The following RNF2 variants were observed in gnomAD, a reference collection of about 807,000 sequenced individuals.
RNF2 encodes E3 ubiquitin-protein ligase RING2.
Under a neutral mutation model 37.2 loss-of-function variants are expected in RNF2, and 6 were observed. The observed-to-expected ratio is 0.16, with a 90% CI of 0.09 to 0.32. The LOEUF (loss-of-function observed/expected upper bound fraction) is 0.32, where lower values mean the gene tolerates loss of function less well. RNF2 is among the 10% of genes least tolerant of loss of function. The pLI, the probability that RNF2 is intolerant of heterozygous loss-of-function variation, is 1.00. For synonymous variants in RNF2, 133 were observed against 132.7 expected, an observed-to-expected ratio of 1.00 and a Z score of -0.02; for missense variants, 251 against 404.0, an observed-to-expected ratio of 0.62 and a Z score of 3.25.
chr1:185,064,678 GTTATC>G (rs1650746976), intron 1 of RNF2, among the ~76,000 whole-genome samples: 4 of 147,994 alleles, frequency 2.7e-5, no homozygotes, highest in African/African-American at 1.0e-4. Flanking sequence ...CATCTTTATT[GTTATC>G]TTAATAATAT....
intron 1 of RNF2, among the ~76,000 whole-genome samples, chr1:185,065,637 G>A (rs369091605): frequency 2.0e-5 from 3 of 152,100 alleles, no homozygotes; most frequent in Non-Finnish European, 4.4e-5. Flanking sequence ...TGAAGTCAGC[G>A]AGACCACTAA....
chr1:185,067,178 A>G (rs889262961), intron 1 of RNF2, among the ~76,000 whole-genome samples: 6 of 152,256 alleles, frequency 3.9e-5, no homozygotes, highest in African/African-American at 1.4e-4. Context: ...AGTAATTTAG[A>G]TGAGTATTCC....
intron 1 of RNF2, among the ~76,000 whole-genome samples, chr1:185,066,192 C>T (rs1023671596): frequency 3.3e-5 from 5 of 152,160 alleles, no homozygotes; most frequent in African/African-American, 1.2e-4. Context: ...GTGATCTCTT[C>T]GTCATTGCAC....
chr1:185,069,696 A>G (rs1201884624), intron 1 of RNF2, among the ~76,000 whole-genome samples: 2 of 152,172 alleles, frequency 1.3e-5, no homozygotes, highest in Non-Finnish European at 2.9e-5. Context: ...AAGATTGGGT[A>G]TGTGTTTGGA....
chr1:185,098,975 C>A (rs1308177499), intron 5 of RNF2, among the ~76,000 whole-genome samples: 1 of 151,124 alleles, frequency 6.6e-6, no homozygotes, highest in Non-Finnish European at 1.5e-5. Flanking sequence ...TGGTCTCGAT[C>A]TCTTGACCTC....
At chr1:185,082,345 C>CTTTTTTTTTTTTTGTTTTTTTTTT (rs1651444433) in intron 1 of RNF2, among the ~76,000 whole-genome samples, 1 of 72,000 alleles carries the variant, frequency 1.4e-5, no homozygotes, top group Non-Finnish European at 2.9e-5. Flanking sequence ...CTCTGCAGAA[C>CTTTTTTTTTTTTTGTTTTTTTTTT]TTTTTTTTTT....
At chr1:185,067,358 C>G (rs749354075) in intron 1 of RNF2, among the ~76,000 whole-genome samples, 107 of 152,304 alleles carry the variant, frequency 7.0e-4, no homozygotes, top group Non-Finnish European at 1.2e-3. Flanking sequence ...ATTGCTTACT[C>G]ACAATTTATT....
chr1:185,059,857 G>C (rs1215572906), intron 1 of RNF2, among the ~76,000 whole-genome samples: 1 of 152,200 alleles, frequency 6.6e-6, no homozygotes, highest in African/African-American at 2.4e-5. Flanking sequence ...TGTTAGAAGA[G>C]TGTAGAGGTA....
At chr1:185,098,840 C>T (rs940721741) in intron 5 of RNF2, among the ~76,000 whole-genome samples, 5 of 151,992 alleles carry the variant, frequency 3.3e-5, no homozygotes, top group African/African-American at 1.2e-4. Flanking sequence ...CAGCCTCCGC[C>T]TCCTGGGTTC....
At chr1:185,067,198 G>A (rs1203252881) in intron 1 of RNF2, among the ~76,000 whole-genome samples, 1 of 152,178 alleles carries the variant, frequency 6.6e-6, no homozygotes, top group Non-Finnish European at 1.5e-5. Context: ...CAGATGTTCA[G>A]TACAGTGACA....
intron 4 of RNF2, among the ~76,000 whole-genome samples, chr1:185,094,864 T>TA (rs1351687556): frequency 2.0e-5 from 3 of 152,188 alleles, no homozygotes; most frequent in Non-Finnish European, 4.4e-5. Flanking sequence ...TAGAAGGAGA[T>TA]AATAGTAAAG....
chr1:185,094,429 C>T (rs1208888858), intron 4 of RNF2, among the ~76,000 whole-genome samples: 1 of 152,142 alleles, frequency 6.6e-6, no homozygotes, highest in Non-Finnish European at 1.5e-5. Flanking sequence ...GTGTGATCCA[C>T]CACACCTGGC....
chr1:185,091,802 T>A, intron 3 of RNF2, 63 bp downstream of exon 3: 1 of 1,455,476 alleles, frequency 6.9e-7, no homozygotes, highest in Non-Finnish European at 9.3e-7. Flanking sequence ...TTTCCAGGGT[T>A]TGAGAAATAC....
intron 1 of RNF2, among the ~76,000 whole-genome samples, chr1:185,080,127 G>A (rs918097326): frequency 6.6e-6 from 1 of 152,048 alleles, no homozygotes; most frequent in Non-Finnish European, 1.5e-5. Context: ...TTCTTTGCTG[G>A]CTTCCACTCT....
intron 1 of RNF2, among the ~76,000 whole-genome samples, chr1:185,054,677 C>A (rs573897932): frequency 2.6e-5 from 4 of 151,956 alleles, no homozygotes; most frequent in African/African-American, 9.7e-5. Context: ...TTTAATCTTT[C>A]TTTGTGGGTT....
At chr1:185,097,082 A>G (rs1424133395) in intron 4 of RNF2, among the ~76,000 whole-genome samples, 1 of 152,188 alleles carries the variant, frequency 6.6e-6, no homozygotes, top group Non-Finnish European at 1.5e-5. Flanking sequence ...TTAGCTGTAT[A>G]ACTGGAGGCA....
intron 1 of RNF2, among the ~76,000 whole-genome samples, chr1:185,053,521 T>G (rs1017560610): frequency 4.0e-5 from 6 of 151,870 alleles, no homozygotes; most frequent in African/African-American, 1.2e-4. Context: ...CTTTCTTTCT[T>G]TTTTCTTTAT....
chr1:185,093,488 T>C (rs904933954), intron 4 of RNF2, among the ~76,000 whole-genome samples: 3 of 152,218 alleles, frequency 2.0e-5, no homozygotes, highest in Admixed American at 6.5e-5. Context: ...TCTCAACTTA[T>C]TCTATTTCTT....
chr1:185,084,984 A>T (rs1292018471), intron 1 of RNF2, among the ~76,000 whole-genome samples: 1 of 152,084 alleles, frequency 6.6e-6, no homozygotes, highest in Admixed American at 6.5e-5. Context: ...TTTTGCCCAC[A>T]TCGTCTGCTG....
Sources: gnomAD v4.1 joint callset for allele counts (sites outside exome capture counted in the v4.1 genomes callset) on GRCh38, gnomAD v4.1.1 for gene constraint, MANE v1.5 for transcripts, NCBI Gene and HGNC (gene_info 2026-07-23, HGNC 2026-07-21) for gene names.